SOX6: variants seen among roughly 807,000 people sequenced by gnomAD.
SOX6 encodes SRY-box transcription factor 6.
In SOX6, 11 loss-of-function variants were observed where a neutral mutation model predicts 97.8. The observed-to-expected ratio is 0.11, with a 90% CI of 0.07 to 0.19. SOX6 has a LOEUF of 0.19. Among genes scored for constraint, SOX6 ranks in the 10% least tolerant of loss-of-function variants. SOX6 has a pLI of 1.00. For missense variants in SOX6, 810 were observed against 1,039.5 expected, an observed-to-expected ratio of 0.78 and a Z score of 3.04; for synonymous variants, 360 against 371.4, an observed-to-expected ratio of 0.97 and a Z score of 0.35.
chr11:16,256,695 T>C (rs577202136), intron 3 of SOX6, among the ~76,000 whole-genome samples: 1 of 151,938 alleles, frequency 6.6e-6, no homozygotes, highest in Non-Finnish European at 1.5e-5. Context: ...ATACTGGAAG[T>C]CCTAGCTAAT....
At chr11:16,072,643 T>A (rs1049924986) in intron 9 of SOX6, among the ~76,000 whole-genome samples, 2 of 152,064 alleles carry the variant, frequency 1.3e-5, no homozygotes, top group Non-Finnish European at 2.9e-5. Flanking sequence ...AGACATACAG[T>A]CATCAGATTC....
chr11:16,644,278 T>C (rs1848974704), intron 3 of SOX6, among the ~76,000 whole-genome samples: 1 of 152,170 alleles, frequency 6.6e-6, no homozygotes, highest in Non-Finnish European at 1.5e-5. Context: ...GAGCTCAAGA[T>C]ATCCGCCTGC....
intron 14 of SOX6, among the ~76,000 whole-genome samples, chr11:15,987,700 T>G (rs571012823): frequency 3.5e-5 from 5 of 144,836 alleles, no homozygotes; most frequent in African/African-American, 1.2e-4. Flanking sequence ...TTTTTTTTTT[T>G]TTTAGAATGT....
chr11:16,403,303 G>C (rs999035284), intron 1 of SOX6, among the ~76,000 whole-genome samples: 2 of 151,624 alleles, frequency 1.3e-5, no homozygotes, highest in Non-Finnish European at 3.0e-5. Flanking sequence ...TAATTGTTCT[G>C]GTCTTGTCCA....
At chr11:16,072,999 A>C (rs1169068046) in intron 9 of SOX6, among the ~76,000 whole-genome samples, 1 of 152,236 alleles carries the variant, frequency 6.6e-6, no homozygotes, top group Non-Finnish European at 1.5e-5. Flanking sequence ...AACACACTTA[A>C]GTACGCAGAC....
At chr11:16,108,649 A>C (rs76424822) in intron 7 of SOX6, among the ~76,000 whole-genome samples, 3,626 of 152,288 alleles carry the variant, frequency 0.024, 145 homozygotes, top group African/African-American at 0.082. Context: ...CATTTTTAAA[A>C]ATAGGGATTA....
chr11:16,572,700 T>C (rs552922745), intron 4 of SOX6, among the ~76,000 whole-genome samples: 25 of 152,204 alleles, frequency 1.6e-4, no homozygotes, highest in Non-Finnish European at 2.9e-4. Flanking sequence ...AGTCAGGCCA[T>C]TGCAATTACT....
chr11:16,174,408 T>C (rs1005723061), intron 6 of SOX6, among the ~76,000 whole-genome samples: 14 of 151,950 alleles, frequency 9.2e-5, no homozygotes, highest in Non-Finnish European at 1.9e-4. Flanking sequence ...ATTCAGCTTC[T>C]TACAGGAGAT....
intron 9 of SOX6, among the ~76,000 whole-genome samples, chr11:16,093,851 C>G (rs768397266): frequency 1.3e-5 from 2 of 151,884 alleles, no homozygotes; most frequent in East Asian, 3.9e-4. Context: ...AGATTTAAAA[C>G]GTTACTATCT....
At chr11:16,285,554 T>C (rs947684652) in intron 3 of SOX6, among the ~76,000 whole-genome samples, 5 of 152,018 alleles carry the variant, frequency 3.3e-5, no homozygotes. Context: ...TATATATTTA[T>C]ATATATTTTT....
At chr11:16,372,988 A>C (rs934382866) in intron 1 of SOX6, among the ~76,000 whole-genome samples, 1 of 152,126 alleles carries the variant, frequency 6.6e-6, no homozygotes, top group East Asian at 1.9e-4. Context: ...CATACATATG[A>C]TATAACCATT....
At chr11:16,335,405 C>T (rs1484427387) in intron 2 of SOX6, among the ~76,000 whole-genome samples, 2 of 152,138 alleles carry the variant, frequency 1.3e-5, no homozygotes, top group Admixed American at 1.3e-4. Context: ...AATCAGGTAT[C>T]ACAAAGGTGT....
intron 3 of SOX6, among the ~76,000 whole-genome samples, chr11:16,617,782 A>G (rs1203583122): frequency 6.6e-6 from 1 of 151,886 alleles, no homozygotes; most frequent in Non-Finnish European, 1.5e-5. Context: ...ATTACAAAAC[A>G]TTTTAAGAGT....
chr11:16,000,453 C>T lies in SOX6; in HGVS notation c.1733-11223G>A, dbSNP rs1347569750. Among the ~76,000 whole-genome samples, 3 of 152,176 alleles carry T rather than the reference C, an allele frequency of 2.0e-5. No individual in the cohort carries two copies. In the East Asian group the frequency reaches 5.8e-4, roughly 29 times the overall value. On this transcript the variant is annotated intron_variant, in intron 13 of 15. Transcript: ENST00000683767. ...TAGGCAAATGCAAAATATGGATACA[C>T]AATTCTTCTGAGATAGTGATTGTTG...
At chr11:16,109,560 T>C (rs554458864) in intron 7 of SOX6, among the ~76,000 whole-genome samples, 1 of 152,304 alleles carries the variant, frequency 6.6e-6, no homozygotes, top group South Asian at 2.1e-4. Flanking sequence ...AGAAGTTGTA[T>C]TGTACTTGTC....
chr11:15,986,253 G>T lies in SOX6; in HGVS notation c.2134C>A (p.Gln712Lys). Residue 712 changes from glutamine (Q) to lysine (K), a missense_variant, in exon 15 of 16, where the codon CAA (glutamine) becomes AAA (lysine). Gln to Lys is a moderately conservative substitution (Grantham distance 53, BLOSUM62 1). Transcript: ENST00000683767. ...GKKLRIGEYK[Q>K]LMRSRRQEMR... ...TCCTGTCTCCGAGACCTCATCAGTT[G>T]CTTATACTCCCCAATCCGAAGCTTT... is the stretch of plus-strand genomic sequence containing the variant. 2 of 1,614,090 alleles carry T rather than the reference G, an allele frequency of 1.2e-6. No homozygotes were observed. Among genetic ancestry groups the T allele is most frequent in the Non-Finnish European group, 1.7e-6 (2 of 1,179,968 alleles).
At chr11:16,510,070 A>G (rs1860853358) in intron 4 of SOX6, among the ~76,000 whole-genome samples, 1 of 152,084 alleles carries the variant, frequency 6.6e-6, no homozygotes, top group Non-Finnish European at 1.5e-5. Flanking sequence ...AGCATGTGAA[A>G]GATTTACCAA....
chr11:16,057,546 C>A (rs926111070), intron 9 of SOX6, among the ~76,000 whole-genome samples: 1 of 152,234 alleles, frequency 6.6e-6, no homozygotes, highest in African/African-American at 2.4e-5. Flanking sequence ...TGCTCCAAAT[C>A]TGAACTAATT....
At chr11:16,544,937 G>A (rs1405738928) in intron 4 of SOX6, among the ~76,000 whole-genome samples, 1 of 152,002 alleles carries the variant, frequency 6.6e-6, no homozygotes, top group Admixed American at 6.6e-5. Context: ...AAAACTTATA[G>A]AGAGGGCCAG....
Sources: allele counts gnomAD v4.1 joint callset (sites outside exome capture counted in the v4.1 genomes callset), GRCh38; gene constraint gnomAD v4.1.1; transcripts MANE v1.5; gene names NCBI Gene and HGNC (gene_info 2026-07-23, HGNC 2026-07-21).